CSF2RA: variants seen among roughly 807,000 people sequenced by gnomAD.
The protein encoded by CSF2RA is granulocyte-macrophage colony-stimulating factor receptor subunit alpha.
A neutral mutation model predicts 51.6 loss-of-function variants in CSF2RA; 42 were observed. The ratio of observed to expected loss-of-function variants is 0.81; its 90% CI spans 0.64 to 1.05. CSF2RA has a LOEUF of 1.05. Ranked by LOEUF, CSF2RA falls within the 50% of genes least tolerant of loss-of-function variation. The pLI, the probability that CSF2RA is intolerant of heterozygous loss-of-function variation, is 0.00. For synonymous variants in CSF2RA, 222 were observed against 193.0 expected (o/e 1.15, Z -1.24); for missense variants, 530 against 501.1 (o/e 1.06, Z -0.55).
At chrX:1,273,286 A>G (rs1461850400) in intron 1 of CSF2RA, among the ~76,000 whole-genome samples, 1 of 151,648 alleles carries the variant, frequency 6.6e-6, no homozygotes, top group Non-Finnish European at 1.5e-5. Flanking sequence ...AAAACAACAT[A>G]TGTTGCCCCA....
intron 1 of CSF2RA, among the ~76,000 whole-genome samples, chrX:1,270,732 C>A (rs113414898): frequency 6.6e-6 from 1 of 150,914 alleles, no homozygotes; most frequent in East Asian, 1.9e-4. Flanking sequence ...TCCCAGCCTC[C>A]CTGTTCCCAG....
At chrX:1,304,694 T>G (rs2083375171) in intron 11 of CSF2RA, among the ~76,000 whole-genome samples, 1 of 151,956 alleles carries the variant, frequency 6.6e-6, no homozygotes, top group Non-Finnish European at 1.5e-5. Flanking sequence ...GACAGACTTT[T>G]GCTCTTGTTG....
chrX:1,271,585 C>T (rs1297562173), intron 1 of CSF2RA, among the ~76,000 whole-genome samples: 4 of 151,976 alleles, frequency 2.6e-5, no homozygotes, highest in Non-Finnish European at 5.9e-5. Context: ...GGTGCGATCT[C>T]GGCTCACTGT....
At chrX:1,288,094 T>C (rs1381065187) in intron 4 of CSF2RA, among the ~76,000 whole-genome samples, 1 of 151,940 alleles carries the variant, frequency 6.6e-6, no homozygotes, top group Non-Finnish European at 1.5e-5. Flanking sequence ...ACCTGCAAGC[T>C]GGTATTCAGC....
chrX:1,316,369 G>A, the CSF2RA span, among the ~76,000 whole-genome samples: 5 of 152,162 alleles, frequency 3.3e-5, no homozygotes, highest in African/African-American at 7.2e-5. Flanking sequence ...CCTCCTGGAA[G>A]TTGGAACTGA....
chrX:1,300,808 G>A (rs762302672), intron 10 of CSF2RA, among the ~76,000 whole-genome samples, 182 bp downstream of exon 10: 33 of 152,226 alleles, frequency 2.2e-4, no homozygotes, highest in Admixed American at 4.6e-4. Flanking sequence ...ACTTGGTCCC[G>A]CAACATTGCT....
chrX:1,286,222 G>C (rs750593078), intron 4 of CSF2RA, among the ~76,000 whole-genome samples: 2 of 152,026 alleles, frequency 1.3e-5, no homozygotes, highest in South Asian at 4.1e-4. Context: ...GCAGTGAGTC[G>C]AGCTCGTGCC....
chrX:1,319,058 T>G, the CSF2RA span, among the ~76,000 whole-genome samples: 8 of 149,708 alleles, frequency 5.3e-5, no homozygotes, highest in African/African-American at 1.9e-4. Flanking sequence ...TACAGTGGCA[T>G]GATCTCGGCT....
rs2088955404 is a variant in CSF2RA, at chrX:1,274,832, TC to T, written c.-27+15del. 1 of 453,376 alleles carries T rather than the reference TC, an allele frequency of 2.2e-6. No homozygotes were observed. The highest frequency in any genetic ancestry group is 4.4e-6 in the Non-Finnish European group (1 of 226,684). 28.1% of individuals were successfully genotyped at this position (453,376 alleles called of 1,614,324 possible). A position where few individuals can be genotyped will look rare whatever the true frequency, so the allele number is the denominator to read the frequency against. ...GCGTAGAACCCTGTACGTGCTTCCT[TC>T]GGCCTGTCGGTAATGTGGTTGGGGA... On this transcript the variant is annotated intron_variant, in intron 2 of 12. Coordinates refer to ENST00000381529, the MANE Select transcript of CSF2RA (RefSeq NM_172245.4).
At chrX:1,284,670 T>C (rs2090436916) in intron 3 of CSF2RA, among the ~76,000 whole-genome samples, 3 of 143,166 alleles carry the variant, frequency 2.1e-5, no homozygotes, top group African/African-American at 2.6e-5. Flanking sequence ...ATTTTTTTTT[T>C]TTTTTTTTTT....
intron 11 of CSF2RA, among the ~76,000 whole-genome samples, chrX:1,305,135 A>G (rs1489190943): frequency 2.6e-5 from 4 of 151,016 alleles, no homozygotes; most frequent in Non-Finnish European, 2.9e-5. Flanking sequence ...CTGGGATTAC[A>G]GGCAAGCACC....
rs1406005813 is a variant in CSF2RA at position 1,290,469 on chromosome X, C to T, written c.606C>T (p.Gly202=). ...FLVNGTSREI[G]IQFFDSLLDT... ...TTAACGGAACCAGCCGAGAAATTGGCATCCAATTCTTTGATTCACTTTTGG... is the reference window on the plus strand; with the variant it reads ...TTAACGGAACCAGCCGAGAAATTGGTATCCAATTCTTTGATTCACTTTTGG... Residue 202 remains glycine, a synonymous_variant, in exon 7 of 13, where the codon GGC becomes GGT. Coordinates refer to ENST00000381529, the MANE Select transcript of CSF2RA (RefSeq NM_172245.4). 6.2e-7 allele frequency: 1 copy of T among 1,613,792 alleles called. No homozygotes were observed. Among genetic ancestry groups the T allele is most frequent in the Admixed American group, 1.7e-5 (1 of 59,970 alleles).
chrX:1,299,390 G>A (rs1199764821), intron 9 of CSF2RA, among the ~76,000 whole-genome samples: 1 of 152,152 alleles, frequency 6.6e-6, no homozygotes, highest in Non-Finnish European at 1.5e-5. Flanking sequence ...CTGAAGGTCT[G>A]TTAATATCAG....
intron 7 of CSF2RA, among the ~76,000 whole-genome samples, chrX:1,292,915 G>C (rs747560053): frequency 4.6e-5 from 7 of 152,106 alleles, no homozygotes; most frequent in Non-Finnish European, 8.8e-5. Context: ...CTGTCTCAGT[G>C]GGGGGAACCC....
At chrX:1,319,545 C>T in the CSF2RA span, among the ~76,000 whole-genome samples, 1 of 150,006 alleles carries the variant, frequency 6.7e-6, no homozygotes, top group Non-Finnish European at 1.5e-5. Flanking sequence ...TCCTCGGCCT[C>T]CCAAAGTGAT....
downstream of CSF2RA, among the ~76,000 whole-genome samples, chrX:1,315,138 G>A (rs372376952): frequency 1.8e-4 from 28 of 152,140 alleles, no homozygotes; most frequent in East Asian, 3.9e-4. Flanking sequence ...GAGGGTCATC[G>A]GTCACCTGCG....
the CSF2RA span, among the ~76,000 whole-genome samples, chrX:1,316,058 C>CG: frequency 3.8e-5 from 2 of 52,944 alleles, no homozygotes; most frequent in African/African-American, 5.1e-5. Context: ...ATAGATAGAT[C>CG]AATAGATAGA....
chrX:1,315,820 TTAGATAGATG>T, the CSF2RA span, among the ~76,000 whole-genome samples: 1 of 141,222 alleles, frequency 7.1e-6, no homozygotes, highest in East Asian at 2.4e-4. Context: ...GATAGATAGA[TTAGATAGATG>T]AATGGATAAA....
In CSF2RA at chrX:1,309,934, G is replaced by C. The variant is rs1216627799; in HGVS notation, c.*455G>C. On this transcript the variant is annotated 3_prime_UTR_variant, in exon 13 of 13. Transcript: ENST00000381529. ...TAATAAAAACCTGATATTTGGCTGG[G>C]CGCCGTGGCTCATGCCTGTAATCCT... 1 of 565,994 alleles carries C rather than the reference G, an allele frequency of 1.8e-6. No individual in the cohort carries two copies. Among genetic ancestry groups the C allele is most frequent in the East Asian group, 2.9e-5 (1 of 34,856 alleles). The allele number at this position is 565,994 out of a possible 1,614,324, so 35.1% of individuals were successfully genotyped here.
Sources: allele counts gnomAD v4.1 joint callset (sites outside exome capture counted in the v4.1 genomes callset), GRCh38; gene constraint gnomAD v4.1.1; transcripts MANE v1.5; gene names NCBI Gene and HGNC (gene_info 2026-07-23, HGNC 2026-07-21).